The following KSR2 variants were observed in gnomAD, a reference collection of about 807,000 sequenced individuals.
KSR2 encodes the protein kinase suppressor of ras 2.
In KSR2, 25 loss-of-function variants were observed where a neutral mutation model predicts 107.8. The observed-to-expected ratio is 0.23, with a 90% CI of 0.17 to 0.32. The LOEUF is 0.32. Ranked by LOEUF, KSR2 falls within the 10% of genes least tolerant of loss-of-function variation. The probability of loss-of-function intolerance (pLI) is 1.00; values close to 1 mark genes in which losing one functional copy is unlikely to be tolerated. For synonymous variants in KSR2, 480 were observed against 507.0 expected (o/e 0.95, Z 0.71); for missense variants, 887 against 1,268.9 (o/e 0.70, Z 4.57).
chr12:117,512,859 T>C (rs891676475), intron 14 of KSR2, among the ~76,000 whole-genome samples: 2 of 152,150 alleles, frequency 1.3e-5, no homozygotes. Context: ...TTTCTTCCAG[T>C]GACACCAGAA....
At chr12:117,621,092 A>T (rs1162026446) in intron 5 of KSR2, among the ~76,000 whole-genome samples, 1 of 152,150 alleles carries the variant, frequency 6.6e-6, no homozygotes, top group Non-Finnish European at 1.5e-5. Flanking sequence ...CAAGAGGGGA[A>T]AATTACTGGA....
intron 19 of KSR2, 40 bp downstream of exon 19, chr12:117,469,622 G>C (rs1203916088): frequency 3.1e-6 from 5 of 1,603,028 alleles, no homozygotes; most frequent in Non-Finnish European, 4.3e-6. Context: ...AAGGGCAGAG[G>C]ACAAGGCAGT....
chr12:117,791,582 G>A (rs935178995), intron 3 of KSR2, among the ~76,000 whole-genome samples: 3 of 152,176 alleles, frequency 2.0e-5, no homozygotes, highest in South Asian at 2.1e-4. Flanking sequence ...CCAGTCTGTG[G>A]AAATGACACT....
At chr12:117,674,844 G>A (rs982450830) in intron 4 of KSR2, among the ~76,000 whole-genome samples, 2 of 152,038 alleles carry the variant, frequency 1.3e-5, no homozygotes, top group Non-Finnish European at 1.5e-5. Flanking sequence ...TCTTCTTGTG[G>A]TCTATAAAAG....
chr12:117,749,336 C>T (rs935689422), intron 4 of KSR2, among the ~76,000 whole-genome samples: 1 of 151,710 alleles, frequency 6.6e-6, no homozygotes, highest in Non-Finnish European at 1.5e-5. Context: ...GACTTATTTG[C>T]AGTCACAAGG....
At chr12:117,810,787 T>G (rs1400844719) in intron 3 of KSR2, among the ~76,000 whole-genome samples, 1 of 152,164 alleles carries the variant, frequency 6.6e-6, no homozygotes, top group Non-Finnish European at 1.5e-5. Flanking sequence ...TTGTTTTGTT[T>G]TGTTTTGGGG....
rs147951201 is a variant in KSR2 at position 117,816,911 on chromosome 12, A to C, written c.472+38517T>G. Among the ~76,000 whole-genome samples, 556 of 152,276 alleles carry C rather than the reference A, an allele frequency of 3.7e-3. 7 individuals carry two copies. The highest frequency in any genetic ancestry group is 0.012 in the African/African-American group (487 of 41,568). On this transcript the variant is annotated intron_variant, in intron 3 of 19. Transcript: ENST00000339824. ...TGGCAAAGAGCTGAAATTCCAACCC[A>C]GTGCTGTTTGGATGGATTCCCATGT... is the stretch of plus-strand genomic sequence containing the variant.
intron 4 of KSR2, among the ~76,000 whole-genome samples, chr12:117,670,442 G>A (rs1340385664): frequency 2.0e-5 from 3 of 152,172 alleles, no homozygotes; most frequent in Non-Finnish European, 2.9e-5. Context: ...TGCCAGCCCT[G>A]AAACCAGGCA....
chr12:117,700,041 T>C, intron 4 of KSR2, among the ~76,000 whole-genome samples: 1 of 133,696 alleles, frequency 7.5e-6, no homozygotes, highest in African/African-American at 2.5e-5. Context: ...CCTCACTAAT[T>C]TTGGTACTTT....
At chr12:117,808,927 C>G (rs374832140) in intron 3 of KSR2, among the ~76,000 whole-genome samples, 2 of 152,196 alleles carry the variant, frequency 1.3e-5, no homozygotes, top group African/African-American at 2.4e-5. Flanking sequence ...TCTTACACAC[C>G]CTCTCCTTTT....
chr12:117,668,982 G>A (rs1006568262), intron 4 of KSR2, among the ~76,000 whole-genome samples: 2 of 152,096 alleles, frequency 1.3e-5, no homozygotes, highest in Admixed American at 6.6e-5. Flanking sequence ...GCTCTTCCAG[G>A]GACCCCTCAG....
chr12:117,522,800 T>C (rs971741841), intron 14 of KSR2, among the ~76,000 whole-genome samples: 2 of 152,172 alleles, frequency 1.3e-5, no homozygotes, highest in Non-Finnish European at 2.9e-5. Flanking sequence ...GACACACAGA[T>C]GAGGGCATCT....
At chr12:117,908,831 T>A (rs148124472) in intron 1 of KSR2, among the ~76,000 whole-genome samples, 1 of 152,168 alleles carries the variant, frequency 6.6e-6, no homozygotes, top group Non-Finnish European at 1.5e-5. Flanking sequence ...GATGTTCTCT[T>A]GAGTTATTAA....
intron 4 of KSR2, among the ~76,000 whole-genome samples, chr12:117,682,596 T>A (rs531999659): frequency 6.6e-6 from 1 of 152,196 alleles, no homozygotes; most frequent in East Asian, 1.9e-4. Context: ...TTTTTCATAT[T>A]TTTAGTGAGA....
At chr12:117,559,557 G>A (rs908505561) in intron 7 of KSR2, among the ~76,000 whole-genome samples, 5 of 152,170 alleles carry the variant, frequency 3.3e-5, no homozygotes, top group Non-Finnish European at 5.9e-5. Flanking sequence ...GGTCCCAAAG[G>A]TGGCCGCTCA....
intron 1 of KSR2, among the ~76,000 whole-genome samples, chr12:117,956,249 C>CAAA (rs59662300): frequency 6.3e-5 from 3 of 47,476 alleles, no homozygotes; most frequent in Admixed American, 2.9e-4. Flanking sequence ...GACTCTGTCT[C>CAAA]AAAAAAAAAA....
intron 5 of KSR2, among the ~76,000 whole-genome samples, chr12:117,660,211 G>C (rs1029880555): frequency 6.6e-6 from 1 of 152,238 alleles, no homozygotes; most frequent in African/African-American, 2.4e-5. Flanking sequence ...GAGGAGGTCT[G>C]CGTTGGTTTC....
intron 5 of KSR2, among the ~76,000 whole-genome samples, chr12:117,590,264 G>A (rs1880243610): frequency 6.6e-6 from 1 of 152,194 alleles, no homozygotes; most frequent in African/African-American, 2.4e-5. Context: ...ACCTCCTCTG[G>A]AGACAGAGTA....
intron 4 of KSR2, among the ~76,000 whole-genome samples, chr12:117,700,844 G>A (rs1052564918): frequency 2.0e-5 from 3 of 152,200 alleles, no homozygotes; most frequent in South Asian, 2.1e-4. Context: ...TCCCAATGTC[G>A]GTGCTACCAT....
Sources: gnomAD v4.1 joint callset for allele counts (sites outside exome capture counted in the v4.1 genomes callset) on GRCh38, gnomAD v4.1.1 for gene constraint, MANE v1.5 for transcripts, NCBI Gene and HGNC (gene_info 2026-07-23, HGNC 2026-07-21) for gene names.